The following DAB1 variants were observed in gnomAD, a reference collection of about 807,000 sequenced individuals.
The protein encoded by DAB1 is DAB adaptor protein 1.
A neutral mutation model predicts 64.6 loss-of-function variants in DAB1; 15 were observed. The ratio of observed to expected loss-of-function variants is 0.23; its 90% CI spans 0.16 to 0.36. The LOEUF (loss-of-function observed/expected upper bound fraction) is 0.36. DAB1 is among the 10% of genes least tolerant of loss of function. The probability of loss-of-function intolerance (pLI) is 1.00; values close to 1 mark genes in which losing one functional copy is unlikely to be tolerated. For missense variants in DAB1, 596 were observed against 706.7 expected (o/e 0.84, Z 1.78); for synonymous variants, 235 against 251.9 (o/e 0.93, Z 0.64).
chr1:58,154,723 T>C (rs1655129338), intron 4 of DAB1, among the ~76,000 whole-genome samples: 1 of 151,448 alleles, frequency 6.6e-6, no homozygotes, highest in African/African-American at 2.4e-5. Flanking sequence ...GTTTGCCAGG[T>C]AGAGAAGAAG....
At chr1:58,256,238 G>A (rs1660925657) in intron 4 of DAB1, among the ~76,000 whole-genome samples, 1 of 152,178 alleles carries the variant, frequency 6.6e-6, no homozygotes, top group Admixed American at 6.5e-5. Context: ...CGGTTGCCAC[G>A]GTGATTAGAG....
chr1:57,878,044 T>A (rs910781830), intron 1 of DAB1, among the ~76,000 whole-genome samples: 3 of 152,328 alleles, frequency 2.0e-5, no homozygotes, highest in Non-Finnish European at 2.9e-5. Context: ...CACCTAAACA[T>A]ATGTTTGGAA....
intron 5 of DAB1, chr1:58,049,376 A>G: frequency 1.8e-6 from 1 of 552,900 alleles, no homozygotes; most frequent in Non-Finnish European, 3.3e-6. Context: ...ATGTATCTTA[A>G]CCTGAACTAT....
At chr1:57,001,290 T>TTTTG (rs61581380) in intron 14 of DAB1, among the ~76,000 whole-genome samples, 2,668 of 152,200 alleles carry the variant, frequency 0.018, 66 homozygotes, top group African/African-American at 0.06. Flanking sequence ...CTGTTGATGT[T>TTTTG]TTTGTTTGTT....
intron 1 of DAB1, chr1:57,864,683 A>AT (rs201245647): frequency 0.21 from 26,540 of 123,780 alleles, 2,745 homozygotes; most frequent in Middle Eastern, 0.28. Context: ...TATTTATTTA[A>AT]TTATTTATTT....
chr1:58,373,591 G>A (rs988165278), intron 3 of DAB1, among the ~76,000 whole-genome samples: 144 of 151,868 alleles, frequency 9.5e-4, no homozygotes, highest in African/African-American at 3.4e-3. Context: ...ATTTGGGTTG[G>A]TTCCAAGTCT....
chr1:58,110,527 G>C (rs946154962), intron 5 of DAB1, among the ~76,000 whole-genome samples: 4 of 152,166 alleles, frequency 2.6e-5, no homozygotes, highest in African/African-American at 9.7e-5. Flanking sequence ...GCCCTGCAAG[G>C]ACATCTTTAC....
At chr1:58,435,465 AC>A (rs1644932002) in intron 3 of DAB1, among the ~76,000 whole-genome samples, 1 of 152,066 alleles carries the variant, frequency 6.6e-6, no homozygotes, top group Non-Finnish European at 1.5e-5. Flanking sequence ...AGAAGCGGTA[AC>A]CCATGTGTTC....
chr1:57,536,313 AAGC>A (rs1446252975), intron 7 of DAB1, among the ~76,000 whole-genome samples: 2 of 152,230 alleles, frequency 1.3e-5, no homozygotes, highest in Non-Finnish European at 2.9e-5. Flanking sequence ...AGTGCCAAAA[AAGC>A]AGGACAGATT....
intron 7 of DAB1, among the ~76,000 whole-genome samples, chr1:57,566,952 AG>A (rs1434566948): frequency 2.0e-5 from 3 of 152,310 alleles, no homozygotes; most frequent in African/African-American, 7.2e-5. Context: ...CTGATACCAA[AG>A]CCTGGCAGAG....
chr1:57,187,572 G>A (rs376996503), intron 2 of DAB1, among the ~76,000 whole-genome samples: 1 of 152,160 alleles, frequency 6.6e-6, no homozygotes, highest in African/African-American at 2.4e-5. Context: ...CACTTCCCTT[G>A]GGGCTGACAA....
At chr1:57,856,918 C>T (rs1019556400) in intron 1 of DAB1, among the ~76,000 whole-genome samples, 5 of 152,176 alleles carry the variant, frequency 3.3e-5, no homozygotes, top group South Asian at 2.1e-4. Context: ...AGAACAGAGC[C>T]TGGCACATAT....
intron 2 of DAB1, among the ~76,000 whole-genome samples, chr1:57,180,605 A>C (rs770281764): frequency 3.3e-5 from 5 of 152,140 alleles, no homozygotes; most frequent in Non-Finnish European, 5.9e-5. Context: ...GTTCCTAGAT[A>C]ACAATGACAA....
intron 3 of DAB1, among the ~76,000 whole-genome samples, chr1:58,426,628 C>T (rs55890325): frequency 0.036 from 5,436 of 152,154 alleles, 303 homozygotes; most frequent in African/African-American, 0.12. Flanking sequence ...GGCAGGAAAC[C>T]AAAGAAATGA....
chr1:58,467,392 A>T (rs1645307593), intron 3 of DAB1, among the ~76,000 whole-genome samples: 1 of 152,212 alleles, frequency 6.6e-6, no homozygotes. Context: ...TGCCGTCTGC[A>T]CTACCTGCCA....
intron 3 of DAB1, among the ~76,000 whole-genome samples, chr1:58,452,769 G>A (rs1408531231): frequency 3.3e-5 from 5 of 151,644 alleles, no homozygotes; most frequent in East Asian, 3.9e-4. Context: ...TGGAGGTTGC[G>A]GTGAGCCACG....
At chr1:57,955,324 T>C (rs997988191) in intron 5 of DAB1, among the ~76,000 whole-genome samples, 5 of 152,196 alleles carry the variant, frequency 3.3e-5, no homozygotes, top group South Asian at 2.1e-4. Context: ...TTGCTTAATA[T>C]GACCTTGACT....
intron 9 of DAB1, among the ~76,000 whole-genome samples, chr1:57,041,398 C>T (rs1392932995): frequency 1.3e-5 from 2 of 152,178 alleles, no homozygotes; most frequent in Non-Finnish European, 2.9e-5. Flanking sequence ...AACACTAATT[C>T]AATTCAGAGT....
At chr1:57,051,908 CAACT>C (rs2100529110) in intron 9 of DAB1, among the ~76,000 whole-genome samples, 1 of 152,144 alleles carries the variant, frequency 6.6e-6, no homozygotes, top group East Asian at 1.9e-4. Flanking sequence ...GTATTAATTC[CAACT>C]AAGCTAAGGG....
Sources: gnomAD v4.1 joint callset for allele counts (sites outside exome capture counted in the v4.1 genomes callset) on GRCh38, gnomAD v4.1.1 for gene constraint, MANE v1.5 for transcripts, NCBI Gene and HGNC (gene_info 2026-07-23, HGNC 2026-07-21) for gene names.